LTK: variants seen among roughly 807,000 people sequenced by gnomAD.
LTK encodes the protein leukocyte receptor tyrosine kinase, also known as leukocyte tyrosine kinase receptor.
In LTK, 117 loss-of-function variants were observed where a neutral mutation model predicts 101.5. That is an observed-to-expected ratio of 1.15 (90% CI 0.99 to 1.34). The LOEUF (loss-of-function observed/expected upper bound fraction) is 1.34. Ranked by LOEUF, LTK falls within the 40% of genes most tolerant of loss-of-function variation. The pLI, the probability that LTK is intolerant of heterozygous loss-of-function variation, is 0.00. For synonymous variants in LTK, 563 were observed against 494.2 expected (o/e 1.14, Z -1.85); for missense variants, 1,252 against 1,164.7 (o/e 1.07, Z -1.09).
Position 41,512,893 on chromosome 15 carries a change from C to T in LTK, c.188-15G>A, listed in dbSNP as rs759132248. On this transcript the variant is annotated splice_polypyrimidine_tract_variant and intron_variant, in intron 2 of 19. Coordinates refer to ENST00000263800, the MANE Select transcript of LTK (RefSeq NM_002344.6). ...CCCCTCGGTGCCTGAGAGCAAGGAGCGAGGCAAGGGTCGTCGAGCCCCTGG... is the reference window on the plus strand; with the variant it reads ...CCCCTCGGTGCCTGAGAGCAAGGAGTGAGGCAAGGGTCGTCGAGCCCCTGG... 1 of 1,608,186 alleles carries T rather than the reference C, an allele frequency of 6.2e-7. No homozygotes were observed. Among genetic ancestry groups the T allele is most frequent in the Non-Finnish European group, 8.5e-7 (1 of 1,176,364 alleles).
At chr15:41,508,321 C>G in intron 8 of LTK, 100 bp from the exon 9 acceptor site, 1 of 1,042,552 alleles carries the variant, frequency 9.6e-7, no homozygotes. Context: ...ATAATCATTG[C>G]ACTTTGGGAG....
chr15:41,511,841 G>GCCC lies in LTK; in HGVS notation c.632_633insGGG (p.Gly213dup). ...CCCGGAAAACGTAGGTGGCGCCCCC[G>GCCC]CCACCCCCGCCACCTCCCGCCCAGC... On this transcript the variant is annotated inframe_insertion, in exon 5 of 20. Transcript: ENST00000263800. This position sits in a 1 kb window ranked among gnomAD's most constrained non-coding sequence, Gnocchi z 5.9. The GCCC allele has an allele frequency of 1.0e-5, 7 of 696,726 alleles. No homozygotes were observed. The highest frequency in any genetic ancestry group is 2.1e-5 in the African/African-American group (1 of 47,430). The allele number at this position is 696,726 out of a possible 1,614,324, so 43.2% of individuals were successfully genotyped here. A position where few individuals can be genotyped will look rare whatever the true frequency, so the allele number is the denominator to read the frequency against.
In LTK at chr15:41,511,480, G is replaced by C. The variant is rs889650753; in HGVS notation, c.756C>G (p.Pro252=). 8 of 1,467,120 alleles carry C rather than the reference G, an allele frequency of 5.5e-6. No homozygotes were observed. The African/African-American group carries it at 8.9e-5, about 16-fold the overall frequency. The allele number at this position is 1,467,120 out of a possible 1,614,324, so 90.9% of individuals were successfully genotyped here. ...PRDRGRTQAS[P]EKLENRSEAP... ...CCTCCGAGCGGTTCTCCAGTTTCTCGGGGGAGGCCTGAGTCCGGCCTCGGT... is the reference window on the plus strand; with the variant it reads ...CCTCCGAGCGGTTCTCCAGTTTCTCCGGGGAGGCCTGAGTCCGGCCTCGGT... The change falls in exon 6 of 20, where the codon CCC becomes CCG. Residue 252 remains proline, a synonymous_variant. Transcript: ENST00000263800. The surrounding 1 kb of genome is among the most constrained non-coding windows in gnomAD (Gnocchi z 5.9).
rs2051192846 is a variant in LTK, at chr15:41,504,642, T to C, written c.2121-2A>G. On this transcript the variant is annotated splice_acceptor_variant, in intron 17 of 19. Coordinates refer to ENST00000263800, the MANE Select transcript of LTK (RefSeq NM_002344.6). LOFTEE classifies it high-confidence loss of function. ...TCCCAGAGCAGCACCCCAAAAGACCTGCATCACAAGTGGGGGAACCAAGTG... is the reference window on the plus strand; with the variant it reads ...TCCCAGAGCAGCACCCCAAAAGACCCGCATCACAAGTGGGGGAACCAAGTG... The C allele has an allele frequency of 1.2e-6, 2 of 1,612,352 alleles. No individual in the cohort carries two copies. Among genetic ancestry groups the C allele is most frequent in the Non-Finnish European group, 1.7e-6 (2 of 1,179,476 alleles).
Position 41,511,770 on chromosome 15 carries a change from G to A in LTK, c.657+47C>T. On this transcript the variant is annotated intron_variant, in intron 5 of 19. Transcript: ENST00000263800. The surrounding 1 kb of genome is among the most constrained non-coding windows in gnomAD (Gnocchi z 5.9). ...GAGAGCCGGTGCGTGAGCGCCCCTG[G>A]GGAGAGGATTGGGACCCCAACGCTG... The A allele has an allele frequency of 1.4e-6, 2 of 1,473,660 alleles. No individual in the cohort carries two copies. Among genetic ancestry groups the A allele is most frequent in the Non-Finnish European group, 8.9e-7 (1 of 1,124,366 alleles). The allele number at this position is 1,473,660 out of a possible 1,614,324, so 91.3% of individuals were successfully genotyped here.
At chr15:41,510,884 C>T (rs868709779) in intron 7 of LTK, among the ~76,000 whole-genome samples, 3 of 152,206 alleles carry the variant, frequency 2.0e-5, no homozygotes, top group African/African-American at 7.2e-5. Context: ...GCTCACTCGG[C>T]CAGCTCTAAG....
intron 7 of LTK, among the ~76,000 whole-genome samples, chr15:41,509,598 C>T (rs912376937): frequency 6.6e-6 from 1 of 152,108 alleles, no homozygotes; most frequent in African/African-American, 2.4e-5. Context: ...TGGTGGCTCA[C>T]GCCTGTAATC....
intron 10 of LTK, 103 bp downstream of exon 10, chr15:41,507,459 G>A (rs1453933863): frequency 1.2e-5 from 19 of 1,554,870 alleles, no homozygotes; most frequent in East Asian, 2.4e-5. Flanking sequence ...GCTCTGCTGC[G>A]GTGAGTGGTC....
chr15:41,510,259 G>C (rs1181250839), intron 7 of LTK, among the ~76,000 whole-genome samples: 2 of 151,976 alleles, frequency 1.3e-5, no homozygotes, highest in Admixed American at 1.3e-4. Context: ...ACCCGCCTCC[G>C]CCGCCCAAAG....
chr15:41,511,489 C>G lies in LTK; in HGVS notation c.747G>C (p.Gln249His). 1 of 1,473,532 alleles carries G rather than the reference C, an allele frequency of 6.8e-7. No homozygotes were observed. Among genetic ancestry groups the G allele is most frequent in the Non-Finnish European group, 8.9e-7 (1 of 1,121,880 alleles). 91.3% of individuals were successfully genotyped at this position (1,473,532 alleles called of 1,614,324 possible). A position where few individuals can be genotyped will look rare whatever the true frequency, so the allele number is the denominator to read the frequency against. Residue 249 changes from glutamine to histidine, a missense_variant, in exon 6 of 20, where the codon CAG (glutamine) becomes CAC (histidine). Coordinates refer to ENST00000263800, the MANE Select transcript of LTK (RefSeq NM_002344.6). The surrounding 1 kb of genome is among the most constrained non-coding windows in gnomAD (Gnocchi z 5.9). ...YLRPRDRGRT[Q>H]ASPEKLENRS... ...GGTTCTCCAGTTTCTCGGGGGAGGC[C>G]TGAGTCCGGCCTCGGTCCCGCGGCC...
In LTK at chr15:41,504,052, G is replaced by T. The variant is rs200704162; in HGVS notation, c.2539C>A (p.Leu847Ile). ...TGAGGTTGGAGGCCCCTGGATTTGAGGGGCTTGAGGCCAGAGGACAGCCAG... is the reference window on the plus strand; with the variant it reads ...TGAGGTTGGAGGCCCCTGGATTTGATGGGCTTGAGGCCAGAGGACAGCCAG... ...GPWLSSGLKP[L>I]KSRGLQPQNL... Residue 847 changes from leucine (L) to isoleucine (I), a missense_variant, in exon 20 of 20, where the codon CTC becomes ATC. Coordinates refer to ENST00000263800, the MANE Select transcript of LTK (RefSeq NM_002344.6). The T allele has an allele frequency of 6.2e-7, 1 of 1,613,514 alleles. No individual in the cohort carries two copies. The highest frequency in any genetic ancestry group is 1.3e-5 in the African/African-American group (1 of 74,922).
rs2051569242 is a variant in LTK, at chr15:41,513,659, G to A, written c.43+8C>T. The A allele has an allele frequency of 6.2e-7, 1 of 1,612,890 alleles. No individual in the cohort carries two copies. The highest frequency in any genetic ancestry group is 1.7e-5 in the Admixed American group (1 of 59,984). ...TGGACGGTCCCCTGACCGCCAGATA[G>A]CACTTACCCGCGGCTCCGAACCACA... On this transcript the variant is annotated splice_region_variant and intron_variant, in intron 1 of 19. Coordinates refer to ENST00000263800, the MANE Select transcript of LTK (RefSeq NM_002344.6).
Position 41,504,876 on chromosome 15 carries a change from T to C in LTK, c.2019-2A>G, listed in dbSNP as rs1417023539. 1.2e-6 allele frequency: 2 copies of C among 1,611,468 alleles called. No individual in the cohort carries two copies. The highest frequency in any genetic ancestry group is 1.7e-5 in the Admixed American group (1 of 59,756). ...TCCCCCCTGCGGTAATAACTGGCCC[T>C]ACAGGAGGGAGGAGGTGAATGATGA... On this transcript the variant is annotated splice_acceptor_variant, in intron 16 of 19. Transcript: ENST00000263800. LOFTEE classifies it high-confidence loss of function.
chr15:41,504,814 C>T lies in LTK; in HGVS notation c.2079G>A (p.Glu693=). The T allele has an allele frequency of 6.2e-7, 1 of 1,613,318 alleles. No individual in the cohort carries two copies. The highest frequency in any genetic ancestry group is 1.1e-5 in the South Asian group (1 of 90,844). Residue 693 remains glutamate, a synonymous_variant, in exon 17 of 20, where the codon GAG becomes GAA. Transcript: ENST00000263800. ...ALLPVKWMPP[E]AFLEGIFTSK... is the part of the protein sequence containing the mutation. Reference sequence around the variant, plus strand: ...ATGTGAAGATGCCCTCCAGGAAGGCCTCTGGGGGCATCCACTTGACTGGGA... The same window carrying T: ...ATGTGAAGATGCCCTCCAGGAAGGCTTCTGGGGGCATCCACTTGACTGGGA...
Position 41,504,116 on chromosome 15 carries a change from T to C in LTK, c.2475A>G (p.Pro825=). 4 of 1,614,106 alleles carry C rather than the reference T, an allele frequency of 2.5e-6. No individual in the cohort carries two copies. Among genetic ancestry groups the C allele is most frequent in the Non-Finnish European group, 3.4e-6 (4 of 1,180,004 alleles). Residue 825 remains proline, a synonymous_variant, in exon 20 of 20, where the codon CCA becomes CCG. Transcript: ENST00000263800. ...LRPPQPQELS[P]EKLKSWGGSP... Reference sequence around the variant, plus strand: ...TACCTCCCCAGCTTTTCAACTTCTCTGGACTCAGTTCCTGGGGCTGTGGGG... The same window carrying C: ...TACCTCCCCAGCTTTTCAACTTCTCCGGACTCAGTTCCTGGGGCTGTGGGG...
chr15:41,505,022 G>A lies in LTK; in HGVS notation c.1968C>T (p.Pro656=), dbSNP rs368900972. The part of the protein sequence containing the change: ...ARNCLLSCAG[P]SRVAKIGDFG... ...AGTCCCCAATCTTGGCCACTCGGCT[G>A]GGTCCAGCGCAGCTCAGCAGGCAGT... The change falls in exon 16 of 20, where the codon CCC becomes CCT. Residue 656 remains proline, a synonymous_variant. Transcript: ENST00000263800. The A allele has an allele frequency of 1.3e-4, 213 of 1,613,564 alleles. No individual in the cohort carries two copies. Among genetic ancestry groups the A allele is most frequent in the Non-Finnish European group, 1.7e-4 (200 of 1,179,694 alleles).
At position 41,504,043 on chromosome 15, in the gene LTK, T is replaced by G. The variant is rs1337969951; in HGVS notation, c.2548A>C (p.Arg850=). The G allele has an allele frequency of 1.2e-6, 2 of 1,612,892 alleles. No homozygotes were observed. Among genetic ancestry groups the G allele is most frequent in the East Asian group, 2.2e-5 (1 of 44,882 alleles). ...CAAAGGTTCTGAGGTTGGAGGCCCC[T>G]GGATTTGAGGGGCTTGAGGCCAGAG... ...LSSGLKPLKS[R]GLQPQNLWNP... Residue 850 remains arginine (R), a synonymous_variant, in exon 20 of 20, where the codon AGG becomes CGG. Coordinates refer to ENST00000263800, the MANE Select transcript of LTK (RefSeq NM_002344.6).
chr15:41,512,320 G>C (rs1228408846), intron 3 of LTK, 55 bp from the exon 4 acceptor site: 3 of 1,567,134 alleles, frequency 1.9e-6, no homozygotes, highest in Non-Finnish European at 2.6e-6. Context: ...CGGCCGCTCC[G>C]GGCAGAAGTT....
intron 1 of LTK, among the ~76,000 whole-genome samples, 162 bp downstream of exon 1, chr15:41,513,505 G>C (rs1381329278): frequency 6.6e-6 from 1 of 152,244 alleles, no homozygotes; most frequent in African/African-American, 2.4e-5. Context: ...CGCACTTGGC[G>C]CTTCTCGGCC....
Sources: gnomAD v4.1 joint callset for allele counts (sites outside exome capture counted in the v4.1 genomes callset) on GRCh38, gnomAD v4.1.1 for gene constraint, Gnocchi (gnomAD v3.1) non-coding constraint, MANE v1.5 for transcripts, NCBI Gene and HGNC (gene_info 2026-07-23, HGNC 2026-07-21) for gene names.